NDUFS4: variants seen among roughly 807,000 people sequenced by gnomAD.
NDUFS4 encodes NADH dehydrogenase [ubiquinone] iron-sulfur protein 4, mitochondrial.
A neutral mutation model predicts 24.3 loss-of-function variants in NDUFS4; 28 were observed. That is an observed-to-expected ratio of 1.15 (90% CI 0.85 to 1.58). NDUFS4 has a LOEUF of 1.58. Among genes scored for constraint, NDUFS4 ranks in the 40% most tolerant of loss-of-function variants. The pLI, the probability that NDUFS4 is intolerant of heterozygous loss-of-function variation, is 0.00. For missense variants in NDUFS4, 223 were observed against 207.9 expected (o/e 1.07, Z -0.45); for synonymous variants, 93 against 69.7 (o/e 1.34, Z -1.67).
At chr5:53,655,874 A>T (rs1028615806) in intron 3 of NDUFS4, among the ~76,000 whole-genome samples, 7 of 152,140 alleles carry the variant, frequency 4.6e-5, no homozygotes, top group Non-Finnish European at 8.8e-5. Flanking sequence ...CAAGGTGTTT[A>T]CCCACATTCT....
intron 4 of NDUFS4, among the ~76,000 whole-genome samples, chr5:53,675,292 A>G (rs1489815328): frequency 2.0e-5 from 3 of 150,448 alleles, no homozygotes; most frequent in African/African-American, 7.4e-5. Flanking sequence ...CCTCCCGAGG[A>G]GCTGGGACTA....
intron 1 of NDUFS4, among the ~76,000 whole-genome samples, chr5:53,598,230 T>A (rs1750190244): frequency 6.6e-6 from 1 of 152,214 alleles, no homozygotes; most frequent in Non-Finnish European, 1.5e-5. Context: ...TAACGTATGA[T>A]CAGCAGTTGT....
At chr5:53,610,650 T>C (rs1289549027) in intron 2 of NDUFS4, among the ~76,000 whole-genome samples, 1 of 152,170 alleles carries the variant, frequency 6.6e-6, no homozygotes, top group Non-Finnish European at 1.5e-5. Context: ...GGAGTCCCAG[T>C]AGTTTTTAAC....
At chr5:53,669,401 G>A (rs12515547) in intron 4 of NDUFS4, among the ~76,000 whole-genome samples, 25,026 of 151,914 alleles carry the variant, frequency 0.16, 2,292 homozygotes, top group Non-Finnish European at 0.21. Flanking sequence ...CTACAACCTC[G>A]TTAATACTGT....
At chr5:53,635,256 A>C (rs1212232670) in intron 2 of NDUFS4, among the ~76,000 whole-genome samples, 1 of 151,710 alleles carries the variant, frequency 6.6e-6, no homozygotes, top group Non-Finnish European at 1.5e-5. Flanking sequence ...ATGGTGGCTC[A>C]TGCCTGTAAT....
At chr5:53,568,996 G>T (rs1342261904) in intron 1 of NDUFS4, among the ~76,000 whole-genome samples, 2 of 152,110 alleles carry the variant, frequency 1.3e-5, no homozygotes, top group East Asian at 3.9e-4. Context: ...CTTGAATAGG[G>T]CTTACTGGAC....
intron 4 of NDUFS4, among the ~76,000 whole-genome samples, chr5:53,670,752 T>C (rs1752643669): frequency 6.6e-6 from 1 of 151,490 alleles, no homozygotes; most frequent in African/African-American, 2.4e-5. Flanking sequence ...AGTTCTATTC[T>C]TCAGGTACTC....
chr5:53,657,320 T>C (rs2112520262), intron 3 of NDUFS4, among the ~76,000 whole-genome samples: 1 of 152,280 alleles, frequency 6.6e-6, no homozygotes, highest in East Asian at 1.9e-4. Flanking sequence ...TGAAGCTCTT[T>C]TGCTTACAAA....
At chr5:53,630,617 A>G (rs934224893) in intron 2 of NDUFS4, among the ~76,000 whole-genome samples, 4 of 151,328 alleles carry the variant, frequency 2.6e-5, no homozygotes, top group African/African-American at 9.7e-5. Context: ...TTCTTGCTTT[A>G]TTTCATTAAT....
At chr5:53,583,664 T>C (rs1188225689) in intron 1 of NDUFS4, among the ~76,000 whole-genome samples, 1 of 152,204 alleles carries the variant, frequency 6.6e-6, no homozygotes, top group African/African-American at 2.4e-5. Flanking sequence ...AACTCAAAAA[T>C]AGGAATCAAC....
At chr5:53,561,753 AT>A (rs1465955770) in intron 1 of NDUFS4, among the ~76,000 whole-genome samples, 90 of 152,334 alleles carry the variant, frequency 5.9e-4, no homozygotes, top group African/African-American at 2.1e-3. Context: ...AATGCAGAGA[AT>A]TAGGATGAGT....
chr5:53,631,735 TC>T (rs1427852226), intron 2 of NDUFS4, among the ~76,000 whole-genome samples: 1 of 152,156 alleles, frequency 6.6e-6, no homozygotes, highest in African/African-American at 2.4e-5. Context: ...ACCACCAAGC[TC>T]CAGCATCCCA....
chr5:53,677,161 GT>G (rs1740502511), intron 4 of NDUFS4, among the ~76,000 whole-genome samples: 1 of 152,040 alleles, frequency 6.6e-6, no homozygotes, highest in Non-Finnish European at 1.5e-5. Flanking sequence ...GGTTTGTTTT[GT>G]GGCAAATGCT....
At chr5:53,617,308 C>T (rs553210618) in intron 2 of NDUFS4, among the ~76,000 whole-genome samples, 22 of 152,244 alleles carry the variant, frequency 1.4e-4, no homozygotes, top group African/African-American at 5.3e-4. Flanking sequence ...TCTCTCTTCA[C>T]AGTTTGTATG....
At chr5:53,682,058 A>G (rs531345288) in intron 4 of NDUFS4, among the ~76,000 whole-genome samples, 4 of 152,244 alleles carry the variant, frequency 2.6e-5, no homozygotes, top group African/African-American at 9.6e-5. Context: ...CATGAATTAG[A>G]TGTTTCAAGA....
chr5:53,608,168 G>A (rs995267610), intron 2 of NDUFS4, among the ~76,000 whole-genome samples: 1 of 152,164 alleles, frequency 6.6e-6, no homozygotes, highest in Non-Finnish European at 1.5e-5. Context: ...CCACACTGAG[G>A]TCTGCTAAGT....
chr5:53,560,739 C>T lies in NDUFS4; in HGVS notation c.77C>T (p.Ser26Phe), dbSNP rs201430870. ...RRRAVAVAALSVSRVPTRSLR... is the reference protein window; with the variant it reads ...RRRAVAVAALFVSRVPTRSLR... ...AGGGCAGTGGCTGTAGCTGCCCTTTCCGTTTCCAGGGTTCCGACCAGGTAA... is the reference window on the plus strand; with the variant it reads ...AGGGCAGTGGCTGTAGCTGCCCTTTTCGTTTCCAGGGTTCCGACCAGGTAA... The change falls in exon 1 of 5, where the codon TCC becomes TTC. Residue 26 changes from serine (S) to phenylalanine (F), a missense_variant. Transcript: ENST00000296684. 146 of 1,614,096 alleles carry T rather than the reference C, an allele frequency of 9.0e-5. No individual in the cohort carries two copies. The highest frequency in any genetic ancestry group is 1.1e-4 in the Non-Finnish European group (130 of 1,180,046).
intron 1 of NDUFS4, among the ~76,000 whole-genome samples, chr5:53,594,277 C>A (rs1213450426): frequency 6.6e-6 from 1 of 152,100 alleles, no homozygotes; most frequent in East Asian, 1.9e-4. Context: ...ACCCCTTTAT[C>A]ACTATCACCT....
At chr5:53,591,077 G>A (rs964738271) in intron 1 of NDUFS4, among the ~76,000 whole-genome samples, 1 of 152,062 alleles carries the variant, frequency 6.6e-6, no homozygotes, top group Non-Finnish European at 1.5e-5. Context: ...ATGTCTTCAT[G>A]GTTCTTCCAT....
Sources: allele counts gnomAD v4.1 joint callset (sites outside exome capture counted in the v4.1 genomes callset), GRCh38; gene constraint gnomAD v4.1.1; transcripts MANE v1.5; gene names NCBI Gene and HGNC (gene_info 2026-07-23, HGNC 2026-07-21).